The following DCUN1D4 variants were observed in gnomAD, a reference collection of about 807,000 sequenced individuals.
DCUN1D4 encodes the protein defective in cullin neddylation 1 domain containing 4, also known as DCN1-like protein 4.
A neutral mutation model predicts 47.9 loss-of-function variants in DCUN1D4; 22 were observed. That is an observed-to-expected ratio of 0.46 (90% confidence interval 0.33 to 0.66). The LOEUF is 0.66. Among genes scored for constraint, DCUN1D4 ranks in the 30% least tolerant of loss-of-function variants. The pLI, the probability that DCUN1D4 is intolerant of heterozygous loss-of-function variation, is 0.02. For missense variants in DCUN1D4, 301 were observed against 340.8 expected (o/e 0.88, Z 0.92); for synonymous variants, 121 against 112.2 (o/e 1.08, Z -0.50).
At chr4:51,877,587 G>A in intron 4 of DCUN1D4, 176 bp from the exon 5 acceptor site, 2 of 501,106 alleles carry the variant, frequency 4.0e-6, no homozygotes, top group Non-Finnish European at 3.6e-6. Context: ...GAGTGACTGT[G>A]TTTAAACACT....
chr4:51,886,957 G>T (rs553032370), intron 6 of DCUN1D4: 3 of 420,616 alleles, frequency 7.1e-6, no homozygotes, highest in Non-Finnish European at 1.4e-5. Context: ...TGTACGCTGT[G>T]TACCTTCGTG....
At chr4:51,900,632 CTGAGG>C in intron 8 of DCUN1D4, among the ~76,000 whole-genome samples, 1 of 151,864 alleles carries the variant, frequency 6.6e-6, no homozygotes, top group East Asian at 1.9e-4. Flanking sequence ...ACTCAGGAGG[CTGAGG>C]TAAGAGGATT....
intron 8 of DCUN1D4, among the ~76,000 whole-genome samples, chr4:51,903,179 T>C (rs541529111): frequency 6.0e-4 from 91 of 151,296 alleles, no homozygotes; most frequent in Admixed American, 1.2e-3. Flanking sequence ...ATCATTTTCC[T>C]TCTGCCTAAA....
upstream of DCUN1D4, among the ~76,000 whole-genome samples, chr4:51,839,699 CCT>C (rs1244395817): frequency 6.6e-6 from 1 of 152,136 alleles, no homozygotes; most frequent in African/African-American, 2.4e-5. Context: ...CAAATTAATT[CCT>C]CTCTGTCCTG....
chr4:51,878,592 A>G lies in DCUN1D4; in HGVS notation c.343+738A>G, dbSNP rs377118230. ...TTTTTAAAACTAAGCTGAGCAGATC[A>G]TACATACATTCCTGAACAACCTCAA... On this transcript the variant is annotated intron_variant, in intron 5 of 10. Transcript: ENST00000334635. 1.1e-4 allele frequency among the ~76,000 whole-genome samples: 16 copies of G among 152,182 alleles called. No individual in the cohort carries two copies. The East Asian group carries it at 2.3e-3, about 22-fold the overall frequency.
chr4:51,834,469 C>A, the DCUN1D4 span, among the ~76,000 whole-genome samples: 1 of 151,888 alleles, frequency 6.6e-6, no homozygotes, highest in African/African-American at 2.4e-5. Context: ...CTTTTACACA[C>A]CCGACTGGCC....
chr4:51,878,697 C>A (rs1044134845), intron 5 of DCUN1D4, among the ~76,000 whole-genome samples: 5 of 152,218 alleles, frequency 3.3e-5, no homozygotes, highest in African/African-American at 1.2e-4. Flanking sequence ...GTGAACTCCC[C>A]GTGCCTTTGC....
upstream of DCUN1D4, chr4:51,842,899 TG>T: frequency 7.3e-6 from 3 of 409,448 alleles, no homozygotes; most frequent in Non-Finnish European, 7.9e-6. Flanking sequence ...CTCGGACCCC[TG>T]GGGGTGACTG....
At position 51,913,714 on chromosome 4, in the gene DCUN1D4, T is replaced by C; in HGVS notation, c.*130T>C. The C allele has an allele frequency of 1.2e-6, 1 of 818,648 alleles. No individual in the cohort carries two copies. Among genetic ancestry groups the C allele is most frequent in the Non-Finnish European group, 2.0e-6 (1 of 506,252 alleles). 50.7% of individuals were successfully genotyped at this position (818,648 alleles called of 1,614,324 possible). The stretch of plus-strand genomic sequence containing the variant: ...TTTCCCTTTCGCAGGGACATGTTGG[T>C]GTTTGCTATTGAATTGGCCAGCTCT... On this transcript the variant is annotated 3_prime_UTR_variant, in exon 11 of 11. Transcript: ENST00000334635.
chr4:51,891,573 A>G (rs1168036578), intron 6 of DCUN1D4, among the ~76,000 whole-genome samples, 187 bp from the exon 7 acceptor site: 3 of 152,162 alleles, frequency 2.0e-5, no homozygotes, highest in Non-Finnish European at 4.4e-5. Flanking sequence ...CTATATTGTC[A>G]ACTTTTTTAG....
intron 5 of DCUN1D4, among the ~76,000 whole-genome samples, chr4:51,884,748 G>A (rs1227029860): frequency 6.6e-6 from 1 of 152,180 alleles, no homozygotes; most frequent in Non-Finnish European, 1.5e-5. Flanking sequence ...ATTGCGAGGG[G>A]TCACAGTACT....
Position 51,914,929 on chromosome 4 carries a change from G to T in DCUN1D4, c.*1345G>T, listed in dbSNP as rs761691859. ...TGACTAATTCAGTCCCTAAAGTTCTGTGAAAACACAAAAGTCTAATGATTT... is the reference window on the plus strand; with the variant it reads ...TGACTAATTCAGTCCCTAAAGTTCTTTGAAAACACAAAAGTCTAATGATTT... On this transcript the variant is annotated 3_prime_UTR_variant, in exon 11 of 11. Transcript: ENST00000334635. 6.9e-6 allele frequency: 1 copy of T among 144,230 alleles called. No homozygotes were observed. The highest frequency in any genetic ancestry group is 1.5e-5 in the Non-Finnish European group (1 of 66,678). The allele number at this position is 144,230 out of a possible 1,614,324, so 8.9% of individuals were successfully genotyped here.
intron 6 of DCUN1D4, among the ~76,000 whole-genome samples, chr4:51,891,456 A>G (rs538182415): frequency 6.6e-6 from 1 of 152,312 alleles, no homozygotes; most frequent in Admixed American, 6.5e-5. Context: ...GGAATTGTCA[A>G]TAACTGGTTT....
At chr4:51,906,105 G>T (rs1241127096) in intron 8 of DCUN1D4, among the ~76,000 whole-genome samples, 1 of 152,138 alleles carries the variant, frequency 6.6e-6, no homozygotes, top group Non-Finnish European at 1.5e-5. Flanking sequence ...GAAGAGTCTT[G>T]TGGAGGCAGA....
At chr4:51,850,723 A>T (rs530999207) in intron 1 of DCUN1D4, among the ~76,000 whole-genome samples, 22 of 152,138 alleles carry the variant, frequency 1.4e-4, no homozygotes, top group African/African-American at 4.8e-4. Flanking sequence ...GAAAAACAGC[A>T]GGGAAGGGGT....
At chr4:51,909,714 A>G (rs1158695431) in intron 8 of DCUN1D4, among the ~76,000 whole-genome samples, 1 of 152,178 alleles carries the variant, frequency 6.6e-6, no homozygotes, top group Non-Finnish European at 1.5e-5. Flanking sequence ...ACCTGCCCTC[A>G]TCAGACTTAA....
rs541262713 is a variant in DCUN1D4, at chr4:51,862,457, G to A, written c.26-980G>A. ...CACCTGCTCTTTGGATCTGTTCTTT[G>A]GATCTGATACGTGTCCTAAATAAAA... On this transcript the variant is annotated intron_variant, in intron 1 of 10. Transcript: ENST00000334635. 8.5e-5 allele frequency among the ~76,000 whole-genome samples: 13 copies of A among 152,314 alleles called. No homozygotes were observed. The South Asian group carries it at 2.5e-3, about 29-fold the overall frequency.
At chr4:51,899,422 C>T in intron 8 of DCUN1D4, 44 bp downstream of exon 8, 1 of 1,547,354 alleles carries the variant, frequency 6.5e-7, no homozygotes, top group Non-Finnish European at 8.7e-7. Flanking sequence ...TCTCTTCCCT[C>T]CCCTTTTTAA....
chr4:51,890,547 T>C (rs901237159), intron 6 of DCUN1D4, among the ~76,000 whole-genome samples: 2 of 152,222 alleles, frequency 1.3e-5, no homozygotes, highest in African/African-American at 4.8e-5. Context: ...GTGTTCCTTA[T>C]GTATGAATGG....
Sources: allele counts gnomAD v4.1 joint callset (sites outside exome capture counted in the v4.1 genomes callset), GRCh38; gene constraint gnomAD v4.1.1; transcripts MANE v1.5; gene names NCBI Gene and HGNC (gene_info 2026-07-23, HGNC 2026-07-21).